Variants in ARHGAP10 observed in about 807,000 individuals in gnomAD.
ARHGAP10 encodes Rho GTPase activating protein 10, also known as rho GTPase-activating protein 10.
Under a neutral mutation model 108.6 loss-of-function variants are expected in ARHGAP10, and 87 were observed. The observed-to-expected ratio is 0.80, with a 90% CI of 0.67 to 0.96. The LOEUF is 0.96. ARHGAP10 is among the 40% of genes least tolerant of loss of function. ARHGAP10 has a pLI of 0.00. For missense variants in ARHGAP10, 939 were observed against 954.5 expected (o/e 0.98, Z 0.21); for synonymous variants, 347 against 341.1 (o/e 1.02, Z -0.19).
intron 5 of ARHGAP10, among the ~76,000 whole-genome samples, chr4:147,860,456 A>AAAAC (rs1734269048): frequency 1.3e-5 from 2 of 152,080 alleles, no homozygotes; most frequent in South Asian, 4.2e-4. Flanking sequence ...AAAACAAAAC[A>AAAAC]AAACAAAACA....
intron 10 of ARHGAP10, among the ~76,000 whole-genome samples, chr4:147,889,245 G>A (rs755501755): frequency 2.6e-5 from 4 of 152,168 alleles, no homozygotes; most frequent in African/African-American, 9.7e-5. Flanking sequence ...TTGTTGTGGA[G>A]TTTGTGGGTA....
chr4:147,988,545 G>A (rs1185045840), intron 18 of ARHGAP10, among the ~76,000 whole-genome samples: 2 of 152,146 alleles, frequency 1.3e-5, no homozygotes, highest in South Asian at 2.1e-4. Flanking sequence ...TGTGATGAGA[G>A]CTTTGGGTTC....
intron 20 of ARHGAP10, among the ~76,000 whole-genome samples, chr4:148,062,522 T>TCTCC (rs1467272261): frequency 6.6e-6 from 1 of 152,136 alleles, no homozygotes; most frequent in Non-Finnish European, 1.5e-5. Flanking sequence ...TTATTTGAAC[T>TCTCC]CTCCCTCTGT....
chr4:147,830,685 A>C (rs1732923486), intron 3 of ARHGAP10, among the ~76,000 whole-genome samples: 1 of 151,892 alleles, frequency 6.6e-6, no homozygotes, highest in Non-Finnish European at 1.5e-5. Flanking sequence ...ACACCCAGCT[A>C]ATTTTTGTAT....
intron 10 of ARHGAP10, among the ~76,000 whole-genome samples, chr4:147,884,482 GA>G (rs1290122146): frequency 6.6e-6 from 1 of 152,180 alleles, no homozygotes; most frequent in East Asian, 1.9e-4. Context: ...CCTTATTAAA[GA>G]GGCATAGGGG....
chr4:148,030,368 C>T (rs867580100), intron 19 of ARHGAP10, among the ~76,000 whole-genome samples: 5 of 152,168 alleles, frequency 3.3e-5, no homozygotes, highest in Non-Finnish European at 7.3e-5. Context: ...GCTGGGCTGT[C>T]TAAGAAACAT....
At chr4:147,931,925 CATCT>C (rs1325458425) in intron 13 of ARHGAP10, among the ~76,000 whole-genome samples, 4 of 152,108 alleles carry the variant, frequency 2.6e-5, no homozygotes, top group African/African-American at 9.7e-5. Context: ...GCAATCTATC[CATCT>C]GACAAAGGTG....
At chr4:147,868,584 T>G (rs1457360869) in intron 7 of ARHGAP10, among the ~76,000 whole-genome samples, 1 of 152,090 alleles carries the variant, frequency 6.6e-6, no homozygotes, top group Non-Finnish European at 1.5e-5. Context: ...AAAACAGTTA[T>G]GTAAAAAGAA....
chr4:147,840,774 CT>C (rs1352890987), intron 3 of ARHGAP10, among the ~76,000 whole-genome samples: 1 of 152,234 alleles, frequency 6.6e-6, no homozygotes, highest in Non-Finnish European at 1.5e-5. Context: ...AACGGCGCTA[CT>C]TTTGAGTCCC....
chr4:147,874,593 C>T (rs1380911643), intron 7 of ARHGAP10, among the ~76,000 whole-genome samples: 4 of 152,210 alleles, frequency 2.6e-5, no homozygotes, highest in Middle Eastern at 3.2e-3. Flanking sequence ...TATTTACAGA[C>T]TGCTAATGTA....
chr4:147,752,440 C>G (rs775782499), intron 1 of ARHGAP10, among the ~76,000 whole-genome samples: 1 of 151,960 alleles, frequency 6.6e-6, no homozygotes, highest in Admixed American at 6.6e-5. Context: ...TTGAAAAAAA[C>G]GCTATTGTTT....
intron 19 of ARHGAP10, among the ~76,000 whole-genome samples, chr4:148,046,144 T>G: frequency 6.6e-6 from 1 of 152,242 alleles, no homozygotes; most frequent in East Asian, 1.9e-4. Context: ...GGGAAATAAC[T>G]GCTCTTGTGA....
intron 1 of ARHGAP10, among the ~76,000 whole-genome samples, chr4:147,808,578 G>C (rs1049274630): frequency 6.6e-6 from 1 of 152,056 alleles, no homozygotes; most frequent in Non-Finnish European, 1.5e-5. Context: ...GAAAGAGTGG[G>C]AGCAGAGTAA....
intron 18 of ARHGAP10, among the ~76,000 whole-genome samples, chr4:147,969,640 C>T (rs1055955751): frequency 1.3e-5 from 2 of 152,046 alleles, no homozygotes; most frequent in South Asian, 4.1e-4. Flanking sequence ...GTTTTCTTCC[C>T]TTTTTGAAGC....
At position 148,072,213 on chromosome 4, in the gene ARHGAP10, G is replaced by A; in HGVS notation, c.*132G>A. 1 of 588,528 alleles carries A rather than the reference G, an allele frequency of 1.7e-6. No homozygotes were observed. The highest frequency in any genetic ancestry group is 5.1e-4 in the Middle Eastern group (1 of 1,942). The allele number at this position is 588,528 out of a possible 1,614,324, so 36.5% of individuals were successfully genotyped here. A position where few individuals can be genotyped will look rare whatever the true frequency, so the allele number is the denominator to read the frequency against. On this transcript the variant is annotated 3_prime_UTR_variant, in exon 23 of 23. Transcript: ENST00000336498. Reference sequence around the variant, plus strand: ...ACACTTGGGAGTTACCATCATCACAGTCAGCCCTGGGGGTGGGGGGTGGTG... The same window carrying A: ...ACACTTGGGAGTTACCATCATCACAATCAGCCCTGGGGGTGGGGGGTGGTG...
At chr4:147,949,863 G>A (rs1210596627) in intron 15 of ARHGAP10, among the ~76,000 whole-genome samples, 1 of 151,958 alleles carries the variant, frequency 6.6e-6, no homozygotes, top group Non-Finnish European at 1.5e-5. Context: ...CATTCCGTAT[G>A]GTTCTTTTCT....
chr4:147,764,779 C>T (rs543807334), intron 1 of ARHGAP10, among the ~76,000 whole-genome samples: 3 of 152,208 alleles, frequency 2.0e-5, no homozygotes, highest in African/African-American at 4.8e-5. Context: ...AAGTGATCCA[C>T]GTGCCTCGGC....
At chr4:147,931,868 C>T (rs1026429837) in intron 13 of ARHGAP10, among the ~76,000 whole-genome samples, 1 of 152,154 alleles carries the variant, frequency 6.6e-6, no homozygotes, top group African/African-American at 2.4e-5. Flanking sequence ...GCAAAAGAAA[C>T]TATCACCAGA....
At chr4:147,985,431 C>G (rs142168908) in intron 18 of ARHGAP10, among the ~76,000 whole-genome samples, 1 of 152,166 alleles carries the variant, frequency 6.6e-6, no homozygotes. Flanking sequence ...CAAACCAGTT[C>G]CAGGCCACCA....
Sources: gnomAD v4.1 joint callset for allele counts (sites outside exome capture counted in the v4.1 genomes callset) on GRCh38, gnomAD v4.1.1 for gene constraint, MANE v1.5 for transcripts, NCBI Gene and HGNC (gene_info 2026-07-23, HGNC 2026-07-21) for gene names.